CAMTA1: variants seen among roughly 807,000 people sequenced by gnomAD.
CAMTA1 encodes the protein calmodulin-binding transcription activator 1.
A neutral mutation model predicts 170.9 loss-of-function variants in CAMTA1; 27 were observed. The observed-to-expected ratio is 0.16, with a 90% confidence interval of 0.12 to 0.22. The LOEUF is 0.22. Among genes scored for constraint, CAMTA1 ranks in the 10% least tolerant of loss-of-function variants. CAMTA1 has a pLI of 1.00. For missense variants in CAMTA1, 1,619 were observed against 2,217.2 expected (o/e 0.73, Z 5.42); for synonymous variants, 833 against 891.5 (o/e 0.93, Z 1.17).
intron 4 of CAMTA1, among the ~76,000 whole-genome samples, chr1:7,211,724 GA>G (rs1193785414): frequency 6.6e-6 from 1 of 152,212 alleles, no homozygotes; most frequent in East Asian, 1.9e-4. Context: ...AATGGTTTCT[GA>G]ATTCCAGCTG....
chr1:7,697,840 C>T (rs1306923401), intron 11 of CAMTA1, among the ~76,000 whole-genome samples: 2 of 152,142 alleles, frequency 1.3e-5, no homozygotes, highest in Admixed American at 1.3e-4. Context: ...AACACTGTTT[C>T]TCCCCACTAT....
At chr1:7,749,147 T>C (rs1273859144) in intron 19 of CAMTA1, among the ~76,000 whole-genome samples, 1 of 152,200 alleles carries the variant, frequency 6.6e-6, no homozygotes, top group African/African-American at 2.4e-5. Flanking sequence ...GATTGTGCTT[T>C]AGGTAGTTAT....
rs1476215579 is a variant in CAMTA1, at chr1:7,611,097, C to T, written c.511-29303C>T. On this transcript the variant is annotated intron_variant, in intron 6 of 22. Transcript: ENST00000303635. Reference sequence around the variant, plus strand: ...GTAAAGCAGGCAGAGTGAAAGTACCCACCTCCGGGACTGTGGAGAGGAAGG... The same window carrying T: ...GTAAAGCAGGCAGAGTGAAAGTACCTACCTCCGGGACTGTGGAGAGGAAGG... Among the ~76,000 whole-genome samples the T allele has an allele frequency of 2.0e-4, 31 of 152,142 alleles. 1 individual carries two copies. Among genetic ancestry groups the T allele is most frequent in the Admixed American group, 2.0e-3 (31 of 15,268 alleles).
intron 7 of CAMTA1, among the ~76,000 whole-genome samples, chr1:7,652,756 TCTC>T (rs751960358): frequency 2.6e-5 from 4 of 151,922 alleles, no homozygotes; most frequent in Non-Finnish European, 5.9e-5. Context: ...GGGTCGCTTT[TCTC>T]CTCTGCCCAC....
chr1:7,237,589 C>T (rs945392189), intron 4 of CAMTA1, among the ~76,000 whole-genome samples: 4 of 152,208 alleles, frequency 2.6e-5, no homozygotes, highest in African/African-American at 7.2e-5. Context: ...TCGATTCAAT[C>T]CCCAGTTGCT....
chr1:7,054,966 TC>T (rs1707067585), intron 3 of CAMTA1, among the ~76,000 whole-genome samples: 1 of 152,094 alleles, frequency 6.6e-6, no homozygotes, highest in Non-Finnish European at 1.5e-5. Flanking sequence ...AGGCTGGTCT[TC>T]CGTGGCTGGG....
In CAMTA1 at chr1:7,366,217, G is replaced by A. The variant is rs1242365198; in HGVS notation, c.439-101613G>A. ...AGTGGCCATGTGACTCCCAGGGGCAGAGGGGATGTCTTCAGCACATCTCCG... is the reference window on the plus strand; with the variant it reads ...AGTGGCCATGTGACTCCCAGGGGCAAAGGGGATGTCTTCAGCACATCTCCG... On this transcript the variant is annotated intron_variant, in intron 5 of 22. Transcript: ENST00000303635. Among the ~76,000 whole-genome samples, 8 of 152,208 alleles carry A rather than the reference G, an allele frequency of 5.3e-5. 1 individual carries two copies. The highest frequency in any genetic ancestry group is 5.2e-4 in the Admixed American group (8 of 15,286).
chr1:7,177,451 G>T (rs565512390), intron 4 of CAMTA1, among the ~76,000 whole-genome samples: 1 of 135,484 alleles, frequency 7.4e-6, no homozygotes, highest in Non-Finnish European at 1.6e-5. Context: ...TCACACAGAG[G>T]CCCCTCCCAC....
At chr1:7,509,797 C>T (rs1409566199) in intron 6 of CAMTA1, among the ~76,000 whole-genome samples, 1 of 152,054 alleles carries the variant, frequency 6.6e-6, no homozygotes. Flanking sequence ...CTGGGCTTTG[C>T]CTCCTGGTGT....
At chr1:6,921,806 C>G (rs1399612283) in intron 3 of CAMTA1, among the ~76,000 whole-genome samples, 1 of 152,156 alleles carries the variant, frequency 6.6e-6, no homozygotes, top group African/African-American at 2.4e-5. Context: ...ATTATAAGAA[C>G]AGCATGAGAA....
chr1:7,283,825 C>G (rs1242472373), intron 5 of CAMTA1, among the ~76,000 whole-genome samples: 1 of 152,210 alleles, frequency 6.6e-6, no homozygotes, highest in Admixed American at 6.5e-5. Flanking sequence ...AGGACATCAT[C>G]TTTCTACATG....
chr1:7,492,603 A>G (rs1431664616), intron 6 of CAMTA1, among the ~76,000 whole-genome samples: 1 of 123,940 alleles, frequency 8.1e-6, no homozygotes, highest in Admixed American at 8.1e-5. Context: ...ACGCGTGCAC[A>G]CACACACACA....
intron 11 of CAMTA1, among the ~76,000 whole-genome samples, chr1:7,726,042 G>A (rs927118172): frequency 6.6e-6 from 1 of 152,238 alleles, no homozygotes; most frequent in Non-Finnish European, 1.5e-5. Context: ...AAGGGAAGCT[G>A]AGACTCACAC....
At chr1:6,862,992 A>C (rs1398479738) in intron 3 of CAMTA1, among the ~76,000 whole-genome samples, 2 of 152,242 alleles carry the variant, frequency 1.3e-5, no homozygotes, top group Non-Finnish European at 2.9e-5. Flanking sequence ...TTTCTGAAGG[A>C]AATGATAAAC....
intron 6 of CAMTA1, among the ~76,000 whole-genome samples, chr1:7,624,714 A>G (rs2095621631): frequency 6.6e-6 from 1 of 152,146 alleles, no homozygotes; most frequent in Non-Finnish European, 1.5e-5. Context: ...CCTATCAGGG[A>G]ATACATTTCC....
At chr1:6,884,475 A>C (rs1672606079) in intron 3 of CAMTA1, among the ~76,000 whole-genome samples, 1 of 152,192 alleles carries the variant, frequency 6.6e-6, no homozygotes, top group African/African-American at 2.4e-5. Flanking sequence ...AGCAGCATAC[A>C]TGTTACTTTT....
At chr1:7,498,193 T>TGAGA (rs529752154) in intron 6 of CAMTA1, among the ~76,000 whole-genome samples, 1 of 147,846 alleles carries the variant, frequency 6.8e-6, no homozygotes, top group Non-Finnish European at 1.5e-5. Context: ...TGAGAGTGAG[T>TGAGA]GTGTGTGTGT....
chr1:7,281,936 C>T (rs72863544), intron 5 of CAMTA1, among the ~76,000 whole-genome samples: 5,037 of 151,824 alleles, frequency 0.033, 230 homozygotes, highest in African/African-American at 0.1. Flanking sequence ...AATCCATGTT[C>T]CTCCGCTTCT....
intron 4 of CAMTA1, among the ~76,000 whole-genome samples, chr1:7,167,741 G>GTTAATTAA (rs547455142): frequency 6.6e-6 from 1 of 151,796 alleles, no homozygotes; most frequent in African/African-American, 2.4e-5. Context: ...AAATTAATTG[G>GTTAATTAA]TTAATTAATT....
Sources: gnomAD v4.1 joint callset for allele counts (sites outside exome capture counted in the v4.1 genomes callset) on GRCh38, gnomAD v4.1.1 for gene constraint, MANE v1.5 for transcripts, NCBI Gene and HGNC (gene_info 2026-07-23, HGNC 2026-07-21) for gene names.